The following ETV7 variants were observed in gnomAD, a reference collection of about 807,000 sequenced individuals.
ETV7 encodes transcription factor ETV7.
In ETV7, 43 loss-of-function variants were observed where a neutral mutation model predicts 39.1. That is an observed-to-expected ratio of 1.10 (90% CI 0.86 to 1.42). The LOEUF is 1.42. Ranked by LOEUF, ETV7 falls within the 40% of genes most tolerant of loss-of-function variation. ETV7 has a pLI of 0.00. For missense variants in ETV7, 432 were observed against 442.3 expected (o/e 0.98, Z 0.21); for synonymous variants, 196 against 176.6 (o/e 1.11, Z -0.87).
chr6:36,383,816 A>G (rs548428593), intron 2 of ETV7, among the ~76,000 whole-genome samples: 59 of 152,382 alleles, frequency 3.9e-4, no homozygotes, highest in Middle Eastern at 3.4e-3. Context: ...TCCAATAAAT[A>G]TGAGTCATGG....
At position 36,371,380 on chromosome 6, in the gene ETV7, AC is replaced by A; in HGVS notation, c.613del (p.Val205SerfsTer68). The A allele has an allele frequency of 6.3e-7, 1 of 1,599,414 alleles. No homozygotes were observed. Among genetic ancestry groups the A allele is most frequent in the Non-Finnish European group, 8.5e-7 (1 of 1,172,574 alleles). Reference protein sequence around the residue: ...CAELGCRTQGVCSFPAMPQAP... With the variant: ...CAELGCRTQGXCSFPAMPQAP... ...CTGCGGCATCGCGGGGAAGGAACAG[AC>A]CCCCTGGGTCCTGCAGCCGAGCTCT... On this transcript the variant is annotated frameshift_variant, in exon 5 of 8. Transcript: ENST00000340181. LOFTEE classifies it high-confidence loss of function.
rs1490009178 is a variant in ETV7 at position 36,375,819 on chromosome 6, T to A, written c.307+52A>T. 7 of 1,611,884 alleles carry A rather than the reference T, an allele frequency of 4.3e-6. No individual in the cohort carries two copies. The Admixed American group carries it at 1.0e-4, about 23-fold the overall frequency. On this transcript the variant is annotated intron_variant, in intron 3 of 7. Transcript: ENST00000340181. ...GGGCCCCCCGGGGGTACTTGGGCCA[T>A]CCTGGCCTACCAGGGTTCCCGCTTA... is the stretch of plus-strand genomic sequence containing the variant.
intron 4 of ETV7, among the ~76,000 whole-genome samples, chr6:36,372,287 G>T (rs903616470): frequency 1.5e-4 from 23 of 152,154 alleles, no homozygotes; most frequent in African/African-American, 5.3e-4. Context: ...GAACAAGAAG[G>T]CCCGAAGGCC....
At chr6:36,369,976 C>T (rs1772930122) in intron 5 of ETV7, among the ~76,000 whole-genome samples, 2 of 151,848 alleles carry the variant, frequency 1.3e-5, no homozygotes, top group South Asian at 4.2e-4. Context: ...ATGCATGTTT[C>T]TGGCGTCCAT....
At chr6:36,365,288 C>G (rs116775497), downstream of ETV7, among the ~76,000 whole-genome samples, 399 of 152,318 alleles carry the variant, frequency 2.6e-3, 1 homozygote, top group Non-Finnish European at 5.0e-3. Context: ...GAGGGAGAAG[C>G]TGACCCATTG....
chr6:36,363,616 G>A (rs557539529), downstream of ETV7, among the ~76,000 whole-genome samples: 40 of 152,344 alleles, frequency 2.6e-4, no homozygotes, highest in African/African-American at 8.9e-4. Context: ...GGACCAGAAC[G>A]GGTTGCCACT....
intron 2 of ETV7, 114 bp from the exon 3 acceptor site, chr6:36,376,149 ATCT>A: frequency 1.1e-6 from 1 of 916,122 alleles, no homozygotes; most frequent in African/African-American, 1.7e-5. Context: ...AACCCCCATC[ATCT>A]TCTGTCGCTG....
At chr6:36,380,702 G>A (rs1277698899) in intron 2 of ETV7, among the ~76,000 whole-genome samples, 1 of 152,202 alleles carries the variant, frequency 6.6e-6, no homozygotes, top group African/African-American at 2.4e-5. Context: ...TAAGCTCCAG[G>A]AGGCACAGAC....
At chr6:36,354,443 T>C (rs1391298391) in exon 8 of ETV7, 3 of 448,008 alleles carry the variant, frequency 6.7e-6, no homozygotes, top group Middle Eastern at 3.8e-4. Context: ...TGGTGTAAGG[T>C]AAGGGGACAA....
chr6:36,376,778 G>GAAAA (rs60435053), intron 2 of ETV7, among the ~76,000 whole-genome samples: 3 of 91,964 alleles, frequency 3.3e-5, no homozygotes, highest in Non-Finnish European at 6.9e-5. Context: ...TCCCTCTAAA[G>GAAAA]AAAAAAAAAA....
chr6:36,374,650 G>A (rs1408403054), intron 3 of ETV7, among the ~76,000 whole-genome samples: 2 of 152,200 alleles, frequency 1.3e-5, no homozygotes, highest in Non-Finnish European at 2.9e-5. Flanking sequence ...GGGGAAGCTG[G>A]AAGCCTTGTC....
chr6:36,366,283 C>CGAA lies in ETV7; in HGVS notation c.*361_*362insTTC, dbSNP rs1392634986. 1.0e-5 allele frequency: 11 copies of CGAA among 1,082,568 alleles called. No homozygotes were observed. Among genetic ancestry groups the CGAA allele is most frequent in the African/African-American group, 1.6e-5 (1 of 61,408 alleles). 67.1% of individuals were successfully genotyped at this position (1,082,568 alleles called of 1,614,324 possible). ...TCCCATTTCCTGCCTCAGCCCATTTCACAGGTGAGGAAATCTGAGGCTCAG... is the reference window on the plus strand; with the variant it reads ...TCCCATTTCCTGCCTCAGCCCATTTCGAAACAGGTGAGGAAATCTGAGGCTCAG... On this transcript the variant is annotated 3_prime_UTR_variant, in exon 8 of 8. Transcript: ENST00000340181.
chr6:36,371,702 G>A, intron 4 of ETV7, 142 bp from the exon 5 acceptor site: 1 of 777,200 alleles, frequency 1.3e-6, no homozygotes, highest in South Asian at 1.6e-5. Flanking sequence ...AGAAGGTCAG[G>A]GAGGCAGTGG....
Position 36,366,620 on chromosome 6 carries a change from C to A in ETV7, c.*25G>T, listed in dbSNP as rs114708847. The A allele has an allele frequency of 1.4e-5, 23 of 1,614,030 alleles. No individual in the cohort carries two copies. In the South Asian group the frequency reaches 2.3e-4, roughly 16 times the overall value. ...GACTCGGTCCCTGCCCCATCGGTAC[C>A]GGGTGCCTGGAGTCCACCTGCCCCT... is the stretch of plus-strand genomic sequence containing the variant. On this transcript the variant is annotated 3_prime_UTR_variant, in exon 8 of 8. Transcript: ENST00000340181.
downstream of ETV7, among the ~76,000 whole-genome samples, chr6:36,362,610 G>A (rs191347342): frequency 3.5e-4 from 53 of 152,322 alleles, no homozygotes; most frequent in East Asian, 9.3e-3. Flanking sequence ...GTTTGTAGAA[G>A]GCAGGCCTAA....
chr6:36,373,601 G>GGGGGGGC (rs2127392877), intron 3 of ETV7, 23 bp from the exon 4 acceptor site: 25 of 475,518 alleles, frequency 5.3e-5, no homozygotes, highest in East Asian at 1.7e-4. Flanking sequence ...GGGAGGGAGG[G>GGGGGGGC]CAGGCTGCTG....
chr6:36,359,736 T>C lies in ETV7; in HGVS notation c.909-5049A>G, dbSNP rs1772436840. Among the ~76,000 whole-genome samples, 7 of 152,228 alleles carry C rather than the reference T, an allele frequency of 4.6e-5. No homozygotes were observed. In the South Asian group the frequency reaches 1.4e-3, roughly 32 times the overall value. On this transcript the variant is annotated intron_variant, in intron 7 of 7. Coordinates refer to the ETV7 transcript ENST00000339796. The stretch of plus-strand genomic sequence containing the variant: ...ACAGTGCTTAACCTACAGTAGGTGC[T>C]CAATGAATGTTAAATAAATGAATGC...
chr6:36,374,244 C>G (rs575010964), intron 3 of ETV7, among the ~76,000 whole-genome samples: 3 of 152,090 alleles, frequency 2.0e-5, no homozygotes, highest in South Asian at 4.1e-4. Flanking sequence ...GTGGTCCCAG[C>G]TACTTGGGAG....
At chr6:36,383,036 A>G (rs959110782) in intron 2 of ETV7, among the ~76,000 whole-genome samples, 1 of 152,040 alleles carries the variant, frequency 6.6e-6, no homozygotes, top group African/African-American at 2.4e-5. Context: ...GCCTCCTCTC[A>G]GAATTCTCCC....
Sources: allele counts gnomAD v4.1 joint callset (sites outside exome capture counted in the v4.1 genomes callset), GRCh38; gene constraint gnomAD v4.1.1; transcripts MANE v1.5; gene names NCBI Gene and HGNC (gene_info 2026-07-23, HGNC 2026-07-21).